The following TNIP1 variants were observed in gnomAD, a reference collection of about 807,000 sequenced individuals.
TNIP1 encodes the protein TNFAIP3 interacting protein 1, also known as TNFAIP3-interacting protein 1.
TNIP1 carries 22 observed loss-of-function variants against 86.6 expected under a neutral mutation model. That is an observed-to-expected ratio of 0.25 (90% CI 0.18 to 0.36). The LOEUF is 0.36. Ranked by LOEUF, TNIP1 falls within the 10% of genes least tolerant of loss-of-function variation. The probability of loss-of-function intolerance (pLI) is 1.00; values close to 1 mark genes in which losing one functional copy is unlikely to be tolerated. For synonymous variants in TNIP1, 294 were observed against 313.0 expected, an observed-to-expected ratio of 0.94 and a Z score of 0.64; for missense variants, 709 against 820.6, an observed-to-expected ratio of 0.86 and a Z score of 1.66.
At chr5:151,055,904 T>C (rs1760598021) in intron 6 of TNIP1, among the ~76,000 whole-genome samples, 1 of 152,040 alleles carries the variant, frequency 6.6e-6, no homozygotes, top group Non-Finnish European at 1.5e-5. Flanking sequence ...GGTCACCAAT[T>C]ATAACTGAAC....
In TNIP1 at chr5:151,042,667, G is replaced by A. The variant is rs143208951; in HGVS notation, c.1007C>T (p.Thr336Ile). 5.7e-5 allele frequency: 92 copies of A among 1,613,770 alleles called. No homozygotes were observed. Among genetic ancestry groups the A allele is most frequent in the Middle Eastern group, 4.9e-4 (3 of 6,082 alleles). The change falls in exon 11 of 18, where the codon ACT (threonine) becomes ATT (isoleucine). Residue 336 changes from threonine (T) to isoleucine (I), a missense_variant. Physicochemically the swap from Thr to Ile is moderately conservative, Grantham distance 89 (BLOSUM62 -1). Coordinates refer to ENST00000521591, the MANE Select transcript of TNIP1 (RefSeq NM_006058.5). The part of the protein sequence containing the change: ...SMKQQYEQKI[T>I]ELRQKLADLQ... ...ATCAGCCAGCTTCTGACGCAGCTCA[G>A]TGATCTGGGTTCAGAGGCAGAGAGG...
rs1404238047 is a variant in TNIP1, at chr5:151,035,047, CTCA to C, written c.1539_1541del (p.Asp513del). ...GTCTGAGGGCTTCTCTTGCCTTCTC[CTCA>C]TCTTTGAATGCTTTTAGCTGAGAGA... On this transcript the variant is annotated inframe_deletion, in exon 15 of 18. Transcript: ENST00000521591. The C allele has an allele frequency of 1.5e-5, 25 of 1,613,958 alleles. No individual in the cohort carries two copies. Among genetic ancestry groups the C allele is most frequent in the Non-Finnish European group, 1.9e-5 (23 of 1,180,004 alleles).
At chr5:151,040,532 T>G (rs1267534979) in intron 11 of TNIP1, among the ~76,000 whole-genome samples, 1 of 152,148 alleles carries the variant, frequency 6.6e-6, no homozygotes, top group Non-Finnish European at 1.5e-5. Context: ...TGAAACGTCC[T>G]ACCTTCCCTG....
chr5:151,040,475 T>C lies in TNIP1; in HGVS notation c.1135-1250A>G, dbSNP rs568711618. ...CCATCAAGAGGCTCCCGGATGGGCA[T>C]GGGCTTTACCGAAATTCATCCTTAT... On this transcript the variant is annotated intron_variant, in intron 11 of 17. Transcript: ENST00000521591. Among the ~76,000 whole-genome samples, 10 of 152,316 alleles carry C rather than the reference T, an allele frequency of 6.6e-5. No individual in the cohort carries two copies. The South Asian group carries it at 8.3e-4, about 13-fold the overall frequency.
chr5:151,085,993 C>T (rs1395339341), upstream of TNIP1, among the ~76,000 whole-genome samples: 1 of 152,188 alleles, frequency 6.6e-6, no homozygotes, highest in Non-Finnish European at 1.5e-5. Context: ...TAGAAGCCAC[C>T]GTCAGACTTG....
chr5:151,078,735 A>G (rs1763667662), intron 1 of TNIP1, among the ~76,000 whole-genome samples: 2 of 152,236 alleles, frequency 1.3e-5, no homozygotes, highest in African/African-American at 2.4e-5. Flanking sequence ...AGGGAACAGC[A>G]TGTATGAAAG....
chr5:151,055,149 C>T (rs1021684583), intron 6 of TNIP1, among the ~76,000 whole-genome samples: 1 of 152,052 alleles, frequency 6.6e-6, no homozygotes, highest in Non-Finnish European at 1.5e-5. Flanking sequence ...TATGAAGTGC[C>T]ACGAACTGGG....
intron 6 of TNIP1, 69 bp downstream of exon 6, chr5:151,056,697 A>C (rs1388221622): frequency 2.2e-6 from 3 of 1,385,818 alleles, no homozygotes; most frequent in Non-Finnish European, 2.9e-6. Context: ...TCCCAGGAGC[A>C]GGAAGGTGGG....
chr5:151,034,229 A>G (rs549696661), intron 15 of TNIP1, among the ~76,000 whole-genome samples: 31 of 149,914 alleles, frequency 2.1e-4, no homozygotes, highest in Non-Finnish European at 1.2e-4. Flanking sequence ...TGGACACGGA[A>G]GGCTGGTACA....
In TNIP1 at chr5:151,057,563, A is replaced by G. The variant is rs189081308; in HGVS notation, c.436-606T>C. Among the ~76,000 whole-genome samples the G allele has an allele frequency of 9.5e-4, 145 of 152,296 alleles. 2 individuals carry two copies. The highest frequency in any genetic ancestry group is 3.4e-3 in the African/African-American group (141 of 41,574). ...GAAACCCTGTCTCTACTAAAAATAC[A>G]AAAATTAGCTGGGCATGGTGGCACG... On this transcript the variant is annotated intron_variant, in intron 5 of 17. Transcript: ENST00000521591.
At chr5:151,052,947 G>T (rs1036846629) in intron 6 of TNIP1, among the ~76,000 whole-genome samples, 1 of 152,080 alleles carries the variant, frequency 6.6e-6, no homozygotes, top group Non-Finnish European at 1.5e-5. Flanking sequence ...GGGCTGAAAG[G>T]CACACCAATT....
Position 151,049,844 on chromosome 5 carries a change from C to T in TNIP1, c.826G>A (p.Ala276Thr). The T allele has an allele frequency of 6.2e-7, 1 of 1,614,208 alleles. No homozygotes were observed. Reference sequence around the variant, plus strand: ...CATACCTGCTGCTGTCCAGCCACTGCCTTCTTGCCTGTCCCTTCCATCTTC... The same window carrying T: ...CATACCTGCTGCTGTCCAGCCACTGTCTTCTTGCCTGTCCCTTCCATCTTC... ...SPKMEGTGKK[A>T]VAGQQQASVT... Residue 276 changes from alanine (A) to threonine (T), a missense_variant, in exon 8 of 18, where the codon GCA becomes ACA. Physicochemically the swap from Ala to Thr is moderately conservative, Grantham distance 58. Coordinates refer to ENST00000521591, the MANE Select transcript of TNIP1 (RefSeq NM_006058.5).
chr5:151,053,590 G>A (rs555434478), intron 6 of TNIP1, among the ~76,000 whole-genome samples: 113 of 152,302 alleles, frequency 7.4e-4, no homozygotes, highest in Non-Finnish European at 1.5e-3. Flanking sequence ...CTCACAGGCT[G>A]GGGGGAAGGG....
At chr5:151,046,758 C>T (rs1171015142) in intron 8 of TNIP1, among the ~76,000 whole-genome samples, 1 of 152,126 alleles carries the variant, frequency 6.6e-6, no homozygotes, top group Admixed American at 6.5e-5. Context: ...AAAACGGGAA[C>T]ACTTTGAACA....
chr5:151,031,827 C>T (rs181282938), intron 17 of TNIP1, among the ~76,000 whole-genome samples: 1 of 152,226 alleles, frequency 6.6e-6, no homozygotes, highest in African/African-American at 2.4e-5. Flanking sequence ...CCACCCCTAC[C>T]TCTCCACCTA....
rs540645515 is a variant in TNIP1, at chr5:151,030,267, G to A, written c.*446C>T. The A allele has an allele frequency of 3.5e-5, 14 of 403,368 alleles. No homozygotes were observed. Among genetic ancestry groups the A allele is most frequent in the African/African-American group, 4.1e-5 (2 of 48,762 alleles). The allele number at this position is 403,368 out of a possible 1,614,324, so 25.0% of individuals were successfully genotyped here. Reference sequence around the variant, plus strand: ...TCCTCACAGAGGGGTAGGGGTGTGCGTGGGGCAGGTCCTGCTACAGAGCTT... The same window carrying A: ...TCCTCACAGAGGGGTAGGGGTGTGCATGGGGCAGGTCCTGCTACAGAGCTT... On this transcript the variant is annotated 3_prime_UTR_variant, in exon 18 of 18. Coordinates refer to ENST00000521591, the MANE Select transcript of TNIP1 (RefSeq NM_006058.5).
chr5:151,052,695 C>A (rs945148451), intron 6 of TNIP1, among the ~76,000 whole-genome samples: 2 of 152,220 alleles, frequency 1.3e-5, no homozygotes, highest in Non-Finnish European at 2.9e-5. Flanking sequence ...GCTCACAGCC[C>A]CCCGCTTTTA....
At chr5:151,035,921 A>C (rs1163793632) in intron 13 of TNIP1, among the ~76,000 whole-genome samples, 5 of 152,170 alleles carry the variant, frequency 3.3e-5, no homozygotes, top group Admixed American at 3.3e-4. Flanking sequence ...TCAAGCTAGG[A>C]CTTTATTTGA....
At chr5:151,070,752 A>G (rs529078650) in intron 1 of TNIP1, among the ~76,000 whole-genome samples, 9 of 152,258 alleles carry the variant, frequency 5.9e-5, no homozygotes, top group African/African-American at 2.2e-4. Flanking sequence ...GTCCTCCCCA[A>G]CCAATTTCCA....
Sources: gnomAD v4.1 joint callset for allele counts (sites outside exome capture counted in the v4.1 genomes callset) on GRCh38, gnomAD v4.1.1 for gene constraint, MANE v1.5 for transcripts, NCBI Gene and HGNC (gene_info 2026-07-23, HGNC 2026-07-21) for gene names.